SEMA3B: variants seen among roughly 807,000 people sequenced by gnomAD.
SEMA3B encodes the protein semaphorin 3B.
In SEMA3B, 71 loss-of-function variants were observed where a neutral mutation model predicts 77.8. The observed-to-expected ratio is 0.91, with a 90% CI of 0.75 to 1.11. The LOEUF is 1.11. SEMA3B is among the 50% of genes most tolerant of loss of function. The pLI, the probability that SEMA3B is intolerant of heterozygous loss-of-function variation, is 0.00. For missense variants in SEMA3B, 968 were observed against 1,056.8 expected, an observed-to-expected ratio of 0.92 and a Z score of 1.17; for synonymous variants, 470 against 452.9, an observed-to-expected ratio of 1.04 and a Z score of -0.48.
In SEMA3B at chr3:50,276,994, G is replaced by T. The variant is rs1238895514; in HGVS notation, c.*288G>T. The stretch of plus-strand genomic sequence containing the variant: ...CAGAGCAACGACCAGGGCCGAGGAG[G>T]TGCCTGGAGTGCCCACCCTGGGAGA... On this transcript the variant is annotated 3_prime_UTR_variant, in exon 17 of 17. Transcript: ENST00000616701. This position sits in a 1 kb window ranked among gnomAD's most constrained non-coding sequence, Gnocchi z 5.8. The T allele has an allele frequency of 2.4e-6, 1 of 414,830 alleles. No homozygotes were observed. The highest frequency in any genetic ancestry group is 4.3e-6 in the Non-Finnish European group (1 of 234,658). The allele number at this position is 414,830 out of a possible 1,614,324, so 25.7% of individuals were successfully genotyped here.
upstream of SEMA3B, chr3:50,269,053 A>C: frequency 1.7e-6 from 1 of 592,714 alleles, no homozygotes; most frequent in Non-Finnish European, 3.0e-6. The surrounding 1 kb of genome is among the most constrained non-coding windows in gnomAD (Gnocchi z 4.0). Flanking sequence ...AGGGTTCGGA[A>C]GTGGAATGCG....
At chr3:50,265,871 T>A (rs1700887615), upstream of SEMA3B, among the ~76,000 whole-genome samples, 1 of 152,116 alleles carries the variant, frequency 6.6e-6, no homozygotes. Context: ...AGGGACAACT[T>A]GACCTCCCAT....
At position 50,276,840 on chromosome 3, in the gene SEMA3B, GC is replaced by G. The variant is rs1553706967; in HGVS notation, c.*137del. On this transcript the variant is annotated 3_prime_UTR_variant, in exon 17 of 17. Coordinates refer to ENST00000616701, the MANE Select transcript of SEMA3B (RefSeq NM_001290060.2). The surrounding 1 kb of genome is among the most constrained non-coding windows in gnomAD (Gnocchi z 5.8). ...GGCCGATGGAGACACCAACCGACAG[GC>G]CCTGGCTGAGGGCAGCTGCGCGGGC... The G allele has an allele frequency of 9.0e-7, 1 of 1,116,300 alleles. No individual in the cohort carries two copies. The allele number at this position is 1,116,300 out of a possible 1,614,324, so 69.1% of individuals were successfully genotyped here. A position where few individuals can be genotyped will look rare whatever the true frequency, so the allele number is the denominator to read the frequency against.
chr3:50,274,531 GA>G lies in SEMA3B; in HGVS notation c.1307del (p.Asp436AlafsTer23), dbSNP rs781970659. On this transcript the variant is annotated frameshift_variant, in exon 11 of 17. Transcript: ENST00000616701. LOFTEE classifies it high-confidence loss of function. The surrounding 1 kb of genome is among the most constrained non-coding windows in gnomAD (Gnocchi z 4.7). ...TTACACCTTCACTCAAATTGCCGCG[GA>G]CCGGGTTGCAGCCGCTGACGGACAC... ...ANYTFTQIAA[D>X]RVAAADGHYD... 1.9e-6 allele frequency: 3 copies of G among 1,570,782 alleles called. No homozygotes were observed. The highest frequency in any genetic ancestry group is 2.6e-6 in the Non-Finnish European group (3 of 1,159,520).
At position 50,275,318 on chromosome 3, in the gene SEMA3B, C is replaced by A. The variant is rs1701196585; in HGVS notation, c.1508C>A (p.Ala503Asp). Reference protein sequence around the residue: ...ISSKRHQLYVASRSAVAQIAL... With the variant: ...ISSKRHQLYVDSRSAVAQIAL... ...GCCCCCTAGCACCAGCTGTACGTAGCCTCGCGGAGCGCGGTGGCCCAGATC... is the reference window on the plus strand; with the variant it reads ...GCCCCCTAGCACCAGCTGTACGTAGACTCGCGGAGCGCGGTGGCCCAGATC... Residue 503 changes from alanine to aspartate, a missense_variant, in exon 14 of 17, where the codon GCC becomes GAC. Coordinates refer to ENST00000616701, the MANE Select transcript of SEMA3B (RefSeq NM_001290060.2). This position sits in a 1 kb window ranked among gnomAD's most constrained non-coding sequence, Gnocchi z 7.5. 6.4e-7 allele frequency: 1 copy of A among 1,574,556 alleles called. No homozygotes were observed. Among genetic ancestry groups the A allele is most frequent in the Non-Finnish European group, 8.6e-7 (1 of 1,161,778 alleles).
chr3:50,262,793 G>A (rs587689852), upstream of SEMA3B, among the ~76,000 whole-genome samples: 1 of 152,336 alleles, frequency 6.6e-6, no homozygotes, highest in East Asian at 1.9e-4. Flanking sequence ...GGGGGACTGG[G>A]ACAGGGTTAA....
In SEMA3B at chr3:50,269,221, G is replaced by T; in HGVS notation, c.-20G>T. ...TCCACACACACACCCGCTGAACCCT[G>T]AGCACCCTGAGCTGCTGAGATGGGG... On this transcript the variant is annotated 5_prime_UTR_variant, in exon 1 of 17. Transcript: ENST00000616701. The surrounding 1 kb of genome is among the most constrained non-coding windows in gnomAD (Gnocchi z 4.0). 2 of 1,516,338 alleles carry T rather than the reference G, an allele frequency of 1.3e-6. No individual in the cohort carries two copies. Among genetic ancestry groups the T allele is most frequent in the South Asian group, 2.4e-5 (2 of 83,482 alleles). 93.9% of individuals were successfully genotyped at this position (1,516,338 alleles called of 1,614,324 possible).
At chr3:50,261,747 A>G in the SEMA3B span, 1 of 152,212 alleles carries the variant, frequency 6.6e-6, no homozygotes, top group Non-Finnish European at 1.5e-5. Flanking sequence ...GATGTCAGGA[A>G]AACTTAGTCC....
At chr3:50,266,866 G>A (rs1219124466), upstream of SEMA3B, 5 of 152,172 alleles carry the variant, frequency 3.3e-5, no homozygotes, top group Non-Finnish European at 7.3e-5. Context: ...GTTTGGTGGG[G>A]GTTGTTCCTC....
rs1701293907 is a variant in SEMA3B at position 50,277,397 on chromosome 3, A to G, written c.*691A>G. 1 of 152,012 alleles carries G rather than the reference A, an allele frequency of 6.6e-6. No individual in the cohort carries two copies. Among genetic ancestry groups the G allele is most frequent in the Non-Finnish European group, 1.5e-5 (1 of 68,012 alleles). 9.4% of individuals were successfully genotyped at this position (152,012 alleles called of 1,614,324 possible). A position where few individuals can be genotyped will look rare whatever the true frequency, so the allele number is the denominator to read the frequency against. On this transcript the variant is annotated 3_prime_UTR_variant, in exon 17 of 17. Transcript: ENST00000616701. ...GAAACCCCGTCTGTACTAAAAATACAAAAAATTAGTCGGGCGTGGTGGCGG... is the reference window on the plus strand; with the variant it reads ...GAAACCCCGTCTGTACTAAAAATACGAAAAATTAGTCGGGCGTGGTGGCGG...
chr3:50,276,207 TC>T lies in SEMA3B; in HGVS notation c.1846-92del. On this transcript the variant is annotated intron_variant, in intron 16 of 16. Transcript: ENST00000616701. This position sits in a 1 kb window ranked among gnomAD's most constrained non-coding sequence, Gnocchi z 5.8. ...CACCCCTTTCCCGCTCCACCTCGGC[TC>T]CCAATGACTCTTTGCTTCTTCCGTC... is the stretch of plus-strand genomic sequence containing the variant. 7.1e-7 allele frequency: 1 copy of T among 1,400,094 alleles called. No homozygotes were observed. Among genetic ancestry groups the T allele is most frequent in the Non-Finnish European group, 9.3e-7 (1 of 1,076,362 alleles). The allele number at this position is 1,400,094 out of a possible 1,614,324, so 86.7% of individuals were successfully genotyped here. A position where few individuals can be genotyped will look rare whatever the true frequency, so the allele number is the denominator to read the frequency against.
At chr3:50,264,001 C>G (rs35915701), upstream of SEMA3B, among the ~76,000 whole-genome samples, 4,039 of 152,016 alleles carry the variant, frequency 0.027, 81 homozygotes, top group Non-Finnish European at 0.04. Context: ...AGTTCAAGAC[C>G]AGCCTGGGCA....
intron 6 of SEMA3B, among the ~76,000 whole-genome samples, chr3:50,272,879 T>TAATAATAATAATAAAAAA (rs797032591): frequency 1.3e-5 from 2 of 150,070 alleles, no homozygotes; most frequent in Admixed American, 1.3e-4. Context: ...ATAATAATAA[T>TAATAATAATAATAAAAAA]AAAGAGCAAT....
At position 50,269,185 on chromosome 3, in the gene SEMA3B, C is replaced by A; in HGVS notation, c.-56C>A. 5 of 1,323,562 alleles carry A rather than the reference C, an allele frequency of 3.8e-6. No homozygotes were observed. The highest frequency in any genetic ancestry group is 1.8e-4 in the Middle Eastern group (1 of 5,588). 82.0% of individuals were successfully genotyped at this position (1,323,562 alleles called of 1,614,324 possible). ...GATCCTGGGGCAGAGTCCAGGGCAG[C>A]TCAAGGCTCCTCCACACACACACCC... On this transcript the variant is annotated 5_prime_UTR_variant, in exon 1 of 17. Coordinates refer to ENST00000616701, the MANE Select transcript of SEMA3B (RefSeq NM_001290060.2). This position sits in a 1 kb window ranked among gnomAD's most constrained non-coding sequence, Gnocchi z 4.0.
chr3:50,274,462 CT>C lies in SEMA3B; in HGVS notation c.1238del (p.Leu413ArgfsTer46). 1 of 1,548,176 alleles carries C rather than the reference CT, an allele frequency of 6.5e-7. No homozygotes were observed. The highest frequency in any genetic ancestry group is 8.7e-7 in the Non-Finnish European group (1 of 1,149,516). On this transcript the variant is annotated frameshift_variant, in exon 11 of 17. Coordinates refer to ENST00000616701, the MANE Select transcript of SEMA3B (RefSeq NM_001290060.2). LOFTEE classifies it high-confidence loss of function. The surrounding 1 kb of genome is among the most constrained non-coding windows in gnomAD (Gnocchi z 4.7). ...CCACCCCCTCATGTACAACTCTGTCCTGCCCACTGGGGGGCGCCCTCTTTTC... is the reference window on the plus strand; with the variant it reads ...CCACCCCCTCATGTACAACTCTGTCCGCCCACTGGGGGGCGCCCTCTTTTC... ...RNHPLMYNSVLPTGGRPLFLQ... is the reference protein window; with the variant it reads ...RNHPLMYNSVXPTGGRPLFLQ...
In SEMA3B at chr3:50,276,554, G is replaced by A; in HGVS notation, c.2098G>A (p.Gly700Arg). Reference sequence around the variant, plus strand: ...CTTTCTGCAGCTGGTGGAGCCGGGCGGAGGTGGCAGCGCGAACTCCCTGCG... The same window carrying A: ...CTTTCTGCAGCTGGTGGAGCCGGGCAGAGGTGGCAGCGCGAACTCCCTGCG... ...RDFLQLVEPG[G>R]GGSANSLRMC... The change falls in exon 17 of 17, where the codon GGA becomes AGA. Residue 700 changes from glycine (G) to arginine (R), a missense_variant. Gly to Arg is a moderately radical substitution (Grantham distance 125). Coordinates refer to ENST00000616701, the MANE Select transcript of SEMA3B (RefSeq NM_001290060.2). This position sits in a 1 kb window ranked among gnomAD's most constrained non-coding sequence, Gnocchi z 5.8. 1.9e-6 allele frequency: 3 copies of A among 1,538,904 alleles called. No individual in the cohort carries two copies. Among genetic ancestry groups the A allele is most frequent in the Non-Finnish European group, 1.7e-6 (2 of 1,147,152 alleles).
Position 50,275,851 on chromosome 3 carries a change from C to T in SEMA3B, c.1845+7C>T, listed in dbSNP as rs1701220757. On this transcript the variant is annotated splice_region_variant and intron_variant, in intron 16 of 16. Coordinates refer to ENST00000616701, the MANE Select transcript of SEMA3B (RefSeq NM_001290060.2). The surrounding 1 kb of genome is among the most constrained non-coding windows in gnomAD (Gnocchi z 7.5). The stretch of plus-strand genomic sequence containing the variant: ...GGTGACAGCCCACACCCAGGTGAGC[C>T]TTACTCCGCCCTCCCCGCCAGGCTC... 1 of 1,580,046 alleles carries T rather than the reference C, an allele frequency of 6.3e-7. No individual in the cohort carries two copies. The highest frequency in any genetic ancestry group is 1.3e-5 in the African/African-American group (1 of 74,306).
rs1435767373 is a variant in SEMA3B, at chr3:50,269,166, G to A, written c.-75G>A. The A allele has an allele frequency of 2.7e-6, 3 of 1,116,972 alleles. No homozygotes were observed. In the African/African-American group the frequency reaches 4.6e-5, roughly 17 times the overall value. 69.2% of individuals were successfully genotyped at this position (1,116,972 alleles called of 1,614,324 possible). A position where few individuals can be genotyped will look rare whatever the true frequency, so the allele number is the denominator to read the frequency against. ...ACTGCTGACTCCTCTTCCAGATCCT[G>A]GGGCAGAGTCCAGGGCAGCTCAAGG... is the stretch of plus-strand genomic sequence containing the variant. On this transcript the variant is annotated 5_prime_UTR_variant, in exon 1 of 17. Coordinates refer to ENST00000616701, the MANE Select transcript of SEMA3B (RefSeq NM_001290060.2). This position sits in a 1 kb window ranked among gnomAD's most constrained non-coding sequence, Gnocchi z 4.0.
chr3:50,270,654 T>C lies in SEMA3B; in HGVS notation c.330+159T>C. The C allele has an allele frequency of 8.7e-7, 1 of 1,147,836 alleles. No homozygotes were observed. The highest frequency in any genetic ancestry group is 1.2e-6 in the Non-Finnish European group (1 of 820,084). The allele number at this position is 1,147,836 out of a possible 1,614,324, so 71.1% of individuals were successfully genotyped here. A position where few individuals can be genotyped will look rare whatever the true frequency, so the allele number is the denominator to read the frequency against. ...GGTGGTGAGTCAGGGTGGGGGCTCG[T>C]GTAATTCTTCTGGGGTGCCTCTGAG... On this transcript the variant is annotated intron_variant, in intron 3 of 16. Transcript: ENST00000616701. The surrounding 1 kb of genome is among the most constrained non-coding windows in gnomAD (Gnocchi z 4.7).
Sources: gnomAD v4.1 joint callset for allele counts (sites outside exome capture counted in the v4.1 genomes callset) on GRCh38, gnomAD v4.1.1 for gene constraint, Gnocchi (gnomAD v3.1) non-coding constraint, MANE v1.5 for transcripts, NCBI Gene and HGNC (gene_info 2026-07-23, HGNC 2026-07-21) for gene names.